Variants in ZNF780A observed in about 807,000 individuals in gnomAD.
ZNF780A encodes zinc finger protein 780A.
ZNF780A carries 40 observed loss-of-function variants against 56.7 expected under a neutral mutation model. The observed-to-expected ratio is 0.71, with a 90% CI of 0.55 to 0.92. The LOEUF (loss-of-function observed/expected upper bound fraction) is 0.92. ZNF780A is among the 40% of genes least tolerant of loss of function. ZNF780A has a pLI of 0.00. For missense variants in ZNF780A, 672 were observed against 783.3 expected (o/e 0.86, Z 1.70); for synonymous variants, 231 against 248.3 (o/e 0.93, Z 0.66).
chr19:40,076,585 CA>C (rs574615900), intron 5 of ZNF780A, among the ~76,000 whole-genome samples: 1 of 152,114 alleles, frequency 6.6e-6, no homozygotes, highest in Non-Finnish European at 1.5e-5. Context: ...CTGGCATATA[CA>C]AGAAAATTTC....
intron 5 of ZNF780A, among the ~76,000 whole-genome samples, chr19:40,078,971 GA>G (rs1278309900): frequency 6.6e-6 from 1 of 152,118 alleles, no homozygotes; most frequent in Non-Finnish European, 1.5e-5. Context: ...TTAATAAAAT[GA>G]CAAGAATAAG....
intron 5 of ZNF780A, among the ~76,000 whole-genome samples, chr19:40,077,127 A>G (rs772956906): frequency 6.2e-4 from 95 of 152,210 alleles, no homozygotes; most frequent in Admixed American, 1.8e-3. Flanking sequence ...GTACCAGCAT[A>G]CACTATGCTG....
chr19:40,083,382 T>A, intron 3 of ZNF780A, 145 bp from the exon 4 acceptor site: 1 of 1,288,054 alleles, frequency 7.8e-7, no homozygotes, highest in East Asian at 2.5e-5. Flanking sequence ...AGTCTCCTGC[T>A]GGCTGAGTAT....
rs148623835 is a variant in ZNF780A, at chr19:40,083,830, A to G, written c.10-593T>C. Among the ~76,000 whole-genome samples, 941 of 151,940 alleles carry G rather than the reference A, an allele frequency of 6.2e-3. 9 individuals are homozygous for G. The highest frequency in any genetic ancestry group is 0.021 in the African/African-American group (853 of 41,444). On this transcript the variant is annotated intron_variant, in intron 3 of 5. Coordinates refer to ENST00000683561, the MANE Select transcript of ZNF780A (RefSeq NM_001142578.2). ...TAGAACTCACATATTAGATTTATTC[A>G]TTTTTTTTCTATTTATACGTTGAGG... is the stretch of plus-strand genomic sequence containing the variant.
downstream of ZNF780A, chr19:40,072,809 A>G (rs763003651): frequency 5.4e-6 from 8 of 1,479,850 alleles, no homozygotes; most frequent in Non-Finnish European, 7.2e-6. Flanking sequence ...TAGCTTTACT[A>G]AGTGCCACTG....
intron 5 of ZNF780A, among the ~76,000 whole-genome samples, chr19:40,080,912 C>T (rs1288417432): frequency 6.6e-6 from 1 of 152,100 alleles, no homozygotes; most frequent in Non-Finnish European, 1.5e-5. Flanking sequence ...AACCAGACCC[C>T]TATTTCTCAC....
At chr19:40,089,836 T>C (rs1975045236) in intron 2 of ZNF780A, among the ~76,000 whole-genome samples, 1 of 152,210 alleles carries the variant, frequency 6.6e-6, no homozygotes, top group South Asian at 2.1e-4. Flanking sequence ...CATTCTTCCC[T>C]GTTTTGAAAA....
In ZNF780A at chr19:40,073,757, T is replaced by C. The variant is rs1973925335; in HGVS notation, c.*759A>G. On this transcript the variant is annotated 3_prime_UTR_variant, in exon 6 of 6. Coordinates refer to ENST00000683561, the MANE Select transcript of ZNF780A (RefSeq NM_001142578.2). The stretch of plus-strand genomic sequence containing the variant: ...GATGAAAGTTCTTCACACATTCTTT[T>C]ATGTTCACAAGATTTCTCATCAATA... 1 of 986,304 alleles carries C rather than the reference T, an allele frequency of 1.0e-6. No homozygotes were observed. The highest frequency in any genetic ancestry group is 1.2e-6 in the Non-Finnish European group (1 of 830,618). The allele number at this position is 986,304 out of a possible 1,614,324, so 61.1% of individuals were successfully genotyped here. A position where few individuals can be genotyped will look rare whatever the true frequency, so the allele number is the denominator to read the frequency against.
At chr19:40,086,646 T>C (rs1429868879) in intron 2 of ZNF780A, among the ~76,000 whole-genome samples, 2 of 150,910 alleles carry the variant, frequency 1.3e-5, no homozygotes, top group Admixed American at 6.6e-5. Flanking sequence ...AGAATTCTTA[T>C]AGAATTCTTA....
intron 3 of ZNF780A, among the ~76,000 whole-genome samples, chr19:40,084,197 C>A (rs117320704): frequency 2.1e-3 from 323 of 152,238 alleles, no homozygotes; most frequent in Non-Finnish European, 3.5e-3. Context: ...GCGTGAGCCA[C>A]CATGTCCAGC....
chr19:40,074,554 G>T lies in ZNF780A; in HGVS notation c.1888C>A (p.Arg630Ser). 1 of 1,613,882 alleles carries T rather than the reference G, an allele frequency of 6.2e-7. No homozygotes were observed. Among genetic ancestry groups the T allele is most frequent in the Non-Finnish European group, 8.5e-7 (1 of 1,179,920 alleles). The change falls in exon 6 of 6, where the codon CGC becomes AGC. Residue 630 changes from arginine (R) to serine (S), a missense_variant. Arg to Ser is a moderately radical substitution (Grantham distance 110, BLOSUM62 -1). Coordinates refer to ENST00000683561, the MANE Select transcript of ZNF780A (RefSeq NM_001142578.2). ...TCACCTGTGTGAATGTTCTTATGGCGATTAAGCTGGGTGGGAAGACTAAAA... is the reference window on the plus strand; with the variant it reads ...TCACCTGTGTGAATGTTCTTATGGCTATTAAGCTGGGTGGGAAGACTAAAA... ...KVFSLPTQLN[R>S]HKNIHTGEKA...
rs1974079545 is a variant in ZNF780A at position 40,075,619 on chromosome 19, T to A, written c.823A>T (p.Lys275Ter). ...VQHQSIHSGV[K>*]PYECKECGKG... ...CCACACTCCTTACATTCATATGGTT[T>A]TACACCAGAATGAATACTCTGATGT... Residue 275 changes from lysine (K) to a stop codon, truncating the protein, a stop_gained, in exon 6 of 6, where the codon AAA (lysine) becomes TAA (stop). Transcript: ENST00000683561. LOFTEE classifies it high-confidence loss of function. The A allele has an allele frequency of 6.2e-7, 1 of 1,613,516 alleles. No individual in the cohort carries two copies. The highest frequency in any genetic ancestry group is 1.7e-5 in the Admixed American group (1 of 59,938).
At chr19:40,086,066 T>C (rs750380728) in intron 2 of ZNF780A, among the ~76,000 whole-genome samples, 3 of 152,050 alleles carry the variant, frequency 2.0e-5, no homozygotes, top group Middle Eastern at 3.2e-3. Flanking sequence ...ATTTCTTTCC[T>C]ATGAGGAAAC....
chr19:40,088,560 G>A (rs573749868), intron 2 of ZNF780A, among the ~76,000 whole-genome samples: 134 of 152,246 alleles, frequency 8.8e-4, no homozygotes, highest in Middle Eastern at 3.4e-3. Flanking sequence ...GAATGTAAAT[G>A]GGCACAGCCA....
intron 2 of ZNF780A, 135 bp from the exon 3 acceptor site, chr19:40,084,933 T>C: frequency 8.7e-7 from 1 of 1,148,366 alleles, no homozygotes; most frequent in Non-Finnish European, 1.2e-6. Context: ...ATCACTCCCC[T>C]TGCCCCCACA....
intron 3 of ZNF780A, 78 bp downstream of exon 3, chr19:40,084,667 A>C (rs920488548): frequency 7.0e-7 from 1 of 1,434,072 alleles, no homozygotes; most frequent in African/African-American, 1.4e-5. Flanking sequence ...CTAGGTACGA[A>C]GCTTCAGGTT....
In ZNF780A at chr19:40,073,534, A is replaced by G. The variant is rs544269635; in HGVS notation, c.*982T>C. On this transcript the variant is annotated 3_prime_UTR_variant, in exon 6 of 6. Coordinates refer to ENST00000683561, the MANE Select transcript of ZNF780A (RefSeq NM_001142578.2). The stretch of plus-strand genomic sequence containing the variant: ...GCACAATTCAGCGAGGTATGCCTGT[A>G]TCTGGTAAATTATTTCATAGGGAGT... The G allele has an allele frequency of 5.9e-5, 58 of 985,958 alleles. No homozygotes were observed. In the South Asian group the frequency reaches 2.3e-3, roughly 40 times the overall value. The allele number at this position is 985,958 out of a possible 1,614,324, so 61.1% of individuals were successfully genotyped here. A position where few individuals can be genotyped will look rare whatever the true frequency, so the allele number is the denominator to read the frequency against.
chr19:40,076,683 C>T (rs569724438), intron 5 of ZNF780A, among the ~76,000 whole-genome samples: 11 of 152,224 alleles, frequency 7.2e-5, no homozygotes, highest in South Asian at 2.1e-4. Context: ...AGAACCAGCA[C>T]GTACAACTGG....
Position 40,076,129 on chromosome 19 carries a change from T to C in ZNF780A, c.313A>G (p.Lys105Glu). 2 of 1,606,668 alleles carry C rather than the reference T, an allele frequency of 1.2e-6. No individual in the cohort carries two copies. The highest frequency in any genetic ancestry group is 1.7e-6 in the Non-Finnish European group (2 of 1,178,086). Residue 105 changes from lysine (K) to glutamate (E), a missense_variant, in exon 6 of 6, where the codon AAG (lysine) becomes GAG (glutamate). Transcript: ENST00000683561. ...SEVNLPKQVIKQISTTLGIEA... is the reference protein window; with the variant it reads ...SEVNLPKQVIEQISTTLGIEA... ...ATGCCAAGAGTTGTACTTATTTGCTTTATAACCTGTTTGGGTAAATTTACT... is the reference window on the plus strand; with the variant it reads ...ATGCCAAGAGTTGTACTTATTTGCTCTATAACCTGTTTGGGTAAATTTACT...
Sources: gnomAD v4.1 joint callset for allele counts (sites outside exome capture counted in the v4.1 genomes callset) on GRCh38, gnomAD v4.1.1 for gene constraint, MANE v1.5 for transcripts, NCBI Gene and HGNC (gene_info 2026-07-23, HGNC 2026-07-21) for gene names.